The following RBFOX1 variants were observed in gnomAD, a reference collection of about 807,000 sequenced individuals.
RBFOX1 encodes RNA binding protein fox-1 homolog 1.
RBFOX1 carries 8 observed loss-of-function variants against 57.7 expected under a neutral mutation model. The ratio of observed to expected loss-of-function variants is 0.14; its 90% CI spans 0.08 to 0.25. The LOEUF (loss-of-function observed/expected upper bound fraction) is 0.25. RBFOX1 is among the 10% of genes least tolerant of loss of function. RBFOX1 has a pLI of 1.00. For missense variants in RBFOX1, 611 were observed against 548.5 expected, an observed-to-expected ratio of 1.11 and a Z score of -1.14; for synonymous variants, 326 against 222.4, an observed-to-expected ratio of 1.47 and a Z score of -4.15.
chr16:6,223,446 G>A (rs1455024251), intron 1 of RBFOX1, among the ~76,000 whole-genome samples: 1 of 151,784 alleles, frequency 6.6e-6, no homozygotes, highest in Non-Finnish European at 1.5e-5. Flanking sequence ...TTTCTCTGAT[G>A]GCCAGTGATG....
intron 3 of RBFOX1, among the ~76,000 whole-genome samples, chr16:7,041,093 T>A (rs951755668): frequency 1.4e-5 from 2 of 147,392 alleles, no homozygotes; most frequent in Non-Finnish European, 1.5e-5. Flanking sequence ...TTTTTTTTTT[T>A]TTTTTTTTTT....
intron 2 of RBFOX1, among the ~76,000 whole-genome samples, chr16:5,548,303 A>T (rs1404096995): frequency 6.6e-6 from 1 of 150,438 alleles, no homozygotes; most frequent in African/African-American, 2.4e-5. Flanking sequence ...TGATGGGATC[A>T]TTTGTACTGC....
chr16:5,968,003 A>C (rs748076467), intron 4 of RBFOX1, among the ~76,000 whole-genome samples: 1 of 152,268 alleles, frequency 6.6e-6, no homozygotes, highest in South Asian at 2.1e-4. Flanking sequence ...CCTCAGTCTT[A>C]GTTCTACAAA....
intron 3 of RBFOX1, among the ~76,000 whole-genome samples, chr16:6,690,675 T>G (rs1299230651): frequency 3.3e-5 from 5 of 151,988 alleles, no homozygotes; most frequent in African/African-American, 9.7e-5. Flanking sequence ...TCGATTATAG[T>G]ACAGTAGGAA....
At chr16:7,518,050 A>G (rs890082722) in intron 4 of RBFOX1, 97 bp from the exon 5 acceptor site, 10 of 1,457,116 alleles carry the variant, frequency 6.9e-6, no homozygotes, top group East Asian at 4.6e-5. Context: ...CCTAGAAAGT[A>G]CGCGGGGCAC....
chr16:6,234,494 G>A (rs532102393), intron 1 of RBFOX1, among the ~76,000 whole-genome samples: 1 of 152,318 alleles, frequency 6.6e-6, no homozygotes, highest in African/African-American at 2.4e-5. Context: ...TTCAGAAATA[G>A]TTTTGAAAGA....
rs573411016 is a variant in RBFOX1 at position 5,299,972 on chromosome 16, A to G, written c.219+59867A>G. On this transcript the variant is annotated intron_variant, in intron 1 of 2. Transcript: ENST00000585867. ...ATTGAGGATGTTTCCTTTTATTCCT[A>G]GTTTCCTGAGGGTTTTTTATAAAAA... Among the ~76,000 whole-genome samples, 3 of 151,350 alleles carry G rather than the reference A, an allele frequency of 2.0e-5. No individual in the cohort carries two copies. The South Asian group carries it at 6.3e-4, about 32-fold the overall frequency.
chr16:7,226,635 A>G (rs900017501), intron 4 of RBFOX1, among the ~76,000 whole-genome samples: 2 of 152,202 alleles, frequency 1.3e-5, no homozygotes, highest in African/African-American at 4.8e-5. Context: ...AACAAGTTTT[A>G]TATTCAAACA....
intron 4 of RBFOX1, among the ~76,000 whole-genome samples, chr16:7,365,229 A>C (rs1438640653): frequency 6.6e-6 from 1 of 152,218 alleles, no homozygotes; most frequent in African/African-American, 2.4e-5. Context: ...ATGTCATTAG[A>C]AACCAGAGAA....
chr16:7,267,463 T>A (rs1482241211), intron 4 of RBFOX1, among the ~76,000 whole-genome samples: 1 of 151,914 alleles, frequency 6.6e-6, no homozygotes, highest in Non-Finnish European at 1.5e-5. Flanking sequence ...TTGAACCTAG[T>A]AGGTGGAGGT....
At chr16:6,800,650 C>T (rs905476845) in intron 3 of RBFOX1, among the ~76,000 whole-genome samples, 2 of 152,094 alleles carry the variant, frequency 1.3e-5, no homozygotes, top group Non-Finnish European at 2.9e-5. Flanking sequence ...TTACTTTTTT[C>T]TCTCCCTAAA....
At chr16:7,375,649 G>C (rs1012481092) in intron 4 of RBFOX1, among the ~76,000 whole-genome samples, 8 of 152,096 alleles carry the variant, frequency 5.3e-5, no homozygotes, top group African/African-American at 1.7e-4. Context: ...GTAACTGAAA[G>C]TCATTCTGTG....
At chr16:6,666,862 A>G (rs2098736245) in intron 3 of RBFOX1, among the ~76,000 whole-genome samples, 1 of 152,140 alleles carries the variant, frequency 6.6e-6, no homozygotes, top group African/African-American at 2.4e-5. Context: ...AGCCTAAGGT[A>G]TTATCTCGGG....
chr16:6,550,446 C>T (rs1463970659), intron 2 of RBFOX1, among the ~76,000 whole-genome samples: 5 of 152,204 alleles, frequency 3.3e-5, no homozygotes, highest in African/African-American at 1.2e-4. Flanking sequence ...TCACCTAGGC[C>T]TCCCAAAGTG....
rs12931433 is a variant in RBFOX1, at chr16:7,434,066, A to G, written c.28-84081A>G. Among the ~76,000 whole-genome samples, 44 of 152,334 alleles carry G rather than the reference A, an allele frequency of 2.9e-4. 1 individual carries two copies. Among genetic ancestry groups the G allele is most frequent in the Non-Finnish European group, 5.1e-4 (35 of 68,034 alleles). On this transcript the variant is annotated intron_variant, in intron 4 of 15. Transcript: ENST00000550418. ...TGAATGATCAGAAAGACACTAAAAG[A>G]TGTAAAGCAGGTAAAAAGGAAGAAA... is the stretch of plus-strand genomic sequence containing the variant.
intron 2 of RBFOX1, among the ~76,000 whole-genome samples, chr16:5,479,879 G>A (rs1192861200): frequency 6.6e-6 from 1 of 152,100 alleles, no homozygotes; most frequent in African/African-American, 2.4e-5. Context: ...TTCCCACCAG[G>A]CATTTTGCTC....
At chr16:7,012,578 AT>A (rs2093703602) in intron 3 of RBFOX1, among the ~76,000 whole-genome samples, 1 of 152,168 alleles carries the variant, frequency 6.6e-6, no homozygotes, top group Non-Finnish European at 1.5e-5. Context: ...GTACAGTGTG[AT>A]TTTTAAATGC....
At chr16:7,697,200 T>A (rs553011563) in intron 14 of RBFOX1, among the ~76,000 whole-genome samples, 1 of 152,058 alleles carries the variant, frequency 6.6e-6, no homozygotes, top group East Asian at 1.9e-4. Flanking sequence ...GGGGTGACAA[T>A]GGCTTGGGTT....
intron 1 of RBFOX1, among the ~76,000 whole-genome samples, chr16:6,291,540 C>A (rs1173986068): frequency 6.6e-6 from 1 of 152,150 alleles, no homozygotes; most frequent in African/African-American, 2.4e-5. Context: ...TGCAAACCTG[C>A]CTCCTGTTTT....
Sources: allele counts gnomAD v4.1 joint callset (sites outside exome capture counted in the v4.1 genomes callset), GRCh38; gene constraint gnomAD v4.1.1; transcripts MANE v1.5; gene names NCBI Gene and HGNC (gene_info 2026-07-23, HGNC 2026-07-21).